FAM161A: variants seen among roughly 807,000 people sequenced by gnomAD.
FAM161A encodes protein FAM161A.
A neutral mutation model predicts 70.9 loss-of-function variants in FAM161A; 57 were observed. The observed-to-expected ratio is 0.80, with a 90% CI of 0.65 to 1.00. FAM161A has a LOEUF of 1.00. Among genes scored for constraint, FAM161A ranks in the 50% least tolerant of loss-of-function variants. The probability of loss-of-function intolerance (pLI) is 0.00; values close to 1 mark genes in which losing one functional copy is unlikely to be tolerated. For missense variants in FAM161A, 880 were observed against 836.0 expected (o/e 1.05, Z -0.65); for synonymous variants, 299 against 295.7 (o/e 1.01, Z -0.12).
downstream of FAM161A, among the ~76,000 whole-genome samples, chr2:61,821,676 C>T (rs1464271433): frequency 6.6e-6 from 1 of 152,068 alleles, no homozygotes; most frequent in African/African-American, 2.4e-5. Flanking sequence ...AAGTGATTTT[C>T]CCACCTCAGC....
At chr2:61,802,434 T>A in the FAM161A span, among the ~76,000 whole-genome samples, 1 of 152,158 alleles carries the variant, frequency 6.6e-6, no homozygotes. Flanking sequence ...AAAAAATTAC[T>A]CATCTCTTCC....
intron 6 of FAM161A, 131 bp downstream of exon 6, chr2:61,826,973 T>G (rs1672390099): frequency 1.2e-6 from 1 of 818,024 alleles, no homozygotes; most frequent in African/African-American, 1.7e-5. Context: ...AGTTCATATG[T>G]CTTTTACTAT....
rs1404318273 is a variant in FAM161A at position 61,838,653 on chromosome 2, T to A, written c.1636A>T (p.Thr546Ser). Reference protein sequence around the residue: ...MLEEERNRILTKQKQRMKELQ... With the variant: ...MLEEERNRILSKQKQRMKELQ... ...TCTTTCATTCTTTGCTTCTGTTTAGTTAGGATCCGATTTCTCTCTTCTTCC... is the reference window on the plus strand; with the variant it reads ...TCTTTCATTCTTTGCTTCTGTTTAGATAGGATCCGATTTCTCTCTTCTTCC... Residue 546 changes from threonine to serine, a missense_variant, in exon 4 of 7, where the codon ACT becomes TCT. By Grantham distance (58) the Thr-to-Ser change is moderately conservative. Coordinates refer to ENST00000404929, the MANE Select transcript of FAM161A (RefSeq NM_001201543.2). The A allele has an allele frequency of 6.2e-7, 1 of 1,611,036 alleles. No individual in the cohort carries two copies. Among genetic ancestry groups the A allele is most frequent in the East Asian group, 2.2e-5 (1 of 44,814 alleles).
the FAM161A span, among the ~76,000 whole-genome samples, chr2:61,812,547 T>C: frequency 6.7e-6 from 1 of 149,680 alleles, no homozygotes; most frequent in Non-Finnish European, 1.5e-5. Flanking sequence ...TATGGTGAAA[T>C]CCCGTCTACA....
At chr2:61,814,984 A>C in the FAM161A span, among the ~76,000 whole-genome samples, 1 of 152,184 alleles carries the variant, frequency 6.6e-6, no homozygotes, top group Non-Finnish European at 1.5e-5. Context: ...GACAGTCTCT[A>C]TCACTCTGAA....
intron 1 of FAM161A, among the ~76,000 whole-genome samples, chr2:61,845,662 A>T (rs1224944348): frequency 4.6e-5 from 7 of 151,632 alleles, no homozygotes; most frequent in Admixed American, 3.9e-4. Flanking sequence ...ATCTCTACAA[A>T]TTTTTTTTAA....
In FAM161A at chr2:61,827,285, C is replaced by G. The variant is rs747861280; in HGVS notation, c.1852-27G>C. 3.1e-6 allele frequency: 5 copies of G among 1,609,066 alleles called. No individual in the cohort carries two copies. The African/African-American group carries it at 6.7e-5, about 22-fold the overall frequency. The stretch of plus-strand genomic sequence containing the variant: ...TATAGGAAAGACAAACCTTTTTAGA[C>G]GAGAACAGAAGACTTTAAATTTTCA... On this transcript the variant is annotated intron_variant, in intron 5 of 6. Transcript: ENST00000404929.
the FAM161A span, among the ~76,000 whole-genome samples, chr2:61,819,778 C>G: frequency 6.6e-6 from 1 of 152,034 alleles, no homozygotes; most frequent in African/African-American, 2.4e-5. Context: ...TGGGTTTTTT[C>G]ATCCATCTGA....
the FAM161A span, among the ~76,000 whole-genome samples, chr2:61,804,752 AAG>A: frequency 8.7e-6 from 1 of 114,736 alleles, no homozygotes; most frequent in Non-Finnish European, 1.8e-5. Flanking sequence ...AAGGAAAAGA[AAG>A]AAAGAAAAAG....
chr2:61,846,187 G>A (rs1366455023), intron 1 of FAM161A, among the ~76,000 whole-genome samples: 4 of 151,720 alleles, frequency 2.6e-5, no homozygotes, highest in African/African-American at 4.8e-5. Flanking sequence ...AGGAAATGGC[G>A]TTAGCAAATG....
chr2:61,815,901 C>T, the FAM161A span, among the ~76,000 whole-genome samples: 1 of 152,100 alleles, frequency 6.6e-6, no homozygotes, highest in Non-Finnish European at 1.5e-5. Flanking sequence ...TCCTTTTACC[C>T]AAAGCAAACC....
intron 1 of FAM161A, among the ~76,000 whole-genome samples, 162 bp downstream of exon 1, chr2:61,853,697 C>A (rs1419175028): frequency 6.6e-6 from 1 of 152,162 alleles, no homozygotes; most frequent in East Asian, 1.9e-4. Flanking sequence ...GAGTAATTTT[C>A]GTGAGCGTAG....
At chr2:61,829,480 A>C (rs1188224818) in intron 5 of FAM161A, among the ~76,000 whole-genome samples, 1 of 152,214 alleles carries the variant, frequency 6.6e-6, no homozygotes, top group African/African-American at 2.4e-5. Context: ...AATAACAATA[A>C]TATTTTTTAG....
At chr2:61,846,264 G>A (rs1673212209) in intron 1 of FAM161A, among the ~76,000 whole-genome samples, 1 of 152,054 alleles carries the variant, frequency 6.6e-6, no homozygotes, top group Non-Finnish European at 1.5e-5. Flanking sequence ...CGGATAAAAG[G>A]AGAGGAAAAC....
chr2:61,801,085 G>T, the FAM161A span, among the ~76,000 whole-genome samples: 16 of 151,930 alleles, frequency 1.1e-4, no homozygotes, highest in African/African-American at 3.9e-4. Flanking sequence ...GTGAGCCACC[G>T]CACTCAGCCA....
At chr2:61,842,632 C>T (rs182067646) in intron 1 of FAM161A, among the ~76,000 whole-genome samples, 253 of 152,258 alleles carry the variant, frequency 1.7e-3, no homozygotes, top group Non-Finnish European at 2.4e-3. Flanking sequence ...CCCAGATCAA[C>T]CAACAAAAGG....
chr2:61,853,142 C>T (rs1023689014), intron 1 of FAM161A, among the ~76,000 whole-genome samples: 1 of 151,888 alleles, frequency 6.6e-6, no homozygotes, highest in African/African-American at 2.4e-5. Context: ...GAACTCCTGA[C>T]CTCGTAACCC....
intron 5 of FAM161A, among the ~76,000 whole-genome samples, chr2:61,832,930 G>C (rs972807639): frequency 2.6e-5 from 4 of 152,100 alleles, no homozygotes; most frequent in Non-Finnish European, 4.4e-5. Flanking sequence ...ATTCCAAAGT[G>C]GAGCAGGACA....
At chr2:61,843,416 C>T (rs542528088) in intron 1 of FAM161A, among the ~76,000 whole-genome samples, 1 of 152,286 alleles carries the variant, frequency 6.6e-6, no homozygotes, top group Non-Finnish European at 1.5e-5. Flanking sequence ...CATGAGCCAC[C>T]GTGCCCTACC....
Sources: gnomAD v4.1 joint callset for allele counts (sites outside exome capture counted in the v4.1 genomes callset) on GRCh38, gnomAD v4.1.1 for gene constraint, MANE v1.5 for transcripts, NCBI Gene and HGNC (gene_info 2026-07-23, HGNC 2026-07-21) for gene names.